The following DENND2A variants were observed in gnomAD, a reference collection of about 807,000 sequenced individuals.
DENND2A encodes DENN domain containing 2A, also known as DENN domain-containing protein 2A.
DENND2A carries 53 observed loss-of-function variants against 105.3 expected under a neutral mutation model. That is an observed-to-expected ratio of 0.50 (90% CI 0.40 to 0.63). DENND2A has a LOEUF of 0.63. DENND2A is among the 30% of genes least tolerant of loss of function. The probability of loss-of-function intolerance (pLI) is 0.00; values close to 1 mark genes in which losing one functional copy is unlikely to be tolerated. For synonymous variants in DENND2A, 522 were observed against 508.4 expected, an observed-to-expected ratio of 1.03 and a Z score of -0.36; for missense variants, 1,138 against 1,279.6, an observed-to-expected ratio of 0.89 and a Z score of 1.69.
Position 140,559,650 on chromosome 7 carries a change from C to T in DENND2A, c.1889+58G>A, listed in dbSNP as rs773081416. On this transcript the variant is annotated intron_variant, in intron 10 of 19. Transcript: ENST00000496613. The surrounding 1 kb of genome is among the most constrained non-coding windows in gnomAD (Gnocchi z 4.1). ...CTCATGTGGTCTGCCACCTGTAACC[C>T]CGTCTCTAAGTCTCGCCTTAGTCTT... The T allele has an allele frequency of 4.8e-5, 62 of 1,299,572 alleles. No individual in the cohort carries two copies. The highest frequency in any genetic ancestry group is 5.6e-6 in the Non-Finnish European group (5 of 900,596). 80.5% of individuals were successfully genotyped at this position (1,299,572 alleles called of 1,614,324 possible).
In DENND2A at chr7:140,602,222, A is replaced by T; in HGVS notation, c.176T>A (p.Val59Glu). 1 of 1,613,824 alleles carries T rather than the reference A, an allele frequency of 6.2e-7. No homozygotes were observed. The highest frequency in any genetic ancestry group is 8.5e-7 in the Non-Finnish European group (1 of 1,179,956). ...TCTCCTGCTGGGTGCAGGAGTGGGC[A>T]CCTCTTTCTTCCCTTCCCATTCTGA... Reference protein sequence around the residue: ...KISEWEGKKEVPTPAPSRRAD... With the variant: ...KISEWEGKKEEPTPAPSRRAD... The change falls in exon 3 of 20, where the codon GTG becomes GAG. Residue 59 changes from valine (V) to glutamate (E), a missense_variant. This residue lies in a region of DENND2A where 511 missense variants were observed against 499.9 expected (regional missense o/e 1.02). Coordinates refer to ENST00000496613, the MANE Select transcript of DENND2A (RefSeq NM_015689.5).
At chr7:140,535,565 G>A (rs181833475) in intron 14 of DENND2A, among the ~76,000 whole-genome samples, 5 of 150,818 alleles carry the variant, frequency 3.3e-5, no homozygotes, top group Admixed American at 3.3e-4. Flanking sequence ...TGTCCTTCCA[G>A]CTTCTTTTTT....
chr7:140,548,129 T>A (rs902178105), intron 12 of DENND2A, among the ~76,000 whole-genome samples: 7 of 152,120 alleles, frequency 4.6e-5, no homozygotes, highest in African/African-American at 1.7e-4. Flanking sequence ...TCTTGCTAGG[T>A]CGCCCAGGCT....
chr7:140,541,321 T>C (rs1033606652), intron 14 of DENND2A, among the ~76,000 whole-genome samples: 2 of 152,024 alleles, frequency 1.3e-5, no homozygotes, highest in Non-Finnish European at 2.9e-5. Flanking sequence ...ACGGCTCCTC[T>C]CCAGCTGTGC....
intron 11 of DENND2A, among the ~76,000 whole-genome samples, chr7:140,557,392 C>A (rs1797403359): frequency 6.6e-6 from 1 of 150,694 alleles, no homozygotes; most frequent in Non-Finnish European, 1.5e-5. Flanking sequence ...CAGAGTGAGA[C>A]CCTGTCTCAA....
chr7:140,545,754 T>A (rs766241493), intron 13 of DENND2A, among the ~76,000 whole-genome samples: 27 of 152,152 alleles, frequency 1.8e-4, no homozygotes, highest in Non-Finnish European at 4.0e-4. Flanking sequence ...TTTTTCTCTT[T>A]AAATAGCTGC....
chr7:140,558,744 C>T lies in DENND2A; in HGVS notation c.1890-532G>A, dbSNP rs183741876. Among the ~76,000 whole-genome samples the T allele has an allele frequency of 3.3e-4, 49 of 147,006 alleles. No individual in the cohort carries two copies. The South Asian group carries it at 7.9e-3, about 24-fold the overall frequency. On this transcript the variant is annotated intron_variant, in intron 10 of 19. Coordinates refer to ENST00000496613, the MANE Select transcript of DENND2A (RefSeq NM_015689.5). ...TCAGTGAGACTGAGACCTAAAGTGT[C>T]GCTGTGGCCTGAGACAAAATGTGGT...
intron 8 of DENND2A, among the ~76,000 whole-genome samples, chr7:140,567,763 A>G (rs1374514321): frequency 1.3e-5 from 2 of 152,068 alleles, no homozygotes; most frequent in Non-Finnish European, 1.5e-5. Context: ...TTGTGACTCA[A>G]CTGGCAGAGA....
intron 14 of DENND2A, 24 bp downstream of exon 14, chr7:140,544,594 A>C (rs1044705609): frequency 6.2e-7 from 1 of 1,614,088 alleles, no homozygotes; most frequent in Non-Finnish European, 8.5e-7. Flanking sequence ...CAAACGCTTT[A>C]GCAGAAGTAG....
intron 1 of DENND2A, among the ~76,000 whole-genome samples, chr7:140,620,355 G>A (rs917914935): frequency 1.6e-5 from 2 of 121,990 alleles, no homozygotes; most frequent in African/African-American, 3.1e-5. Flanking sequence ...GGGGTGGGGG[G>A]GGGGAGGAGG....
At chr7:140,571,848 T>C (rs761018518) in intron 6 of DENND2A, among the ~76,000 whole-genome samples, 2 of 152,226 alleles carry the variant, frequency 1.3e-5, no homozygotes, top group Non-Finnish European at 2.9e-5. Context: ...TTCTAGGTTC[T>C]AGGATGACAG....
At chr7:140,623,500 CG>C (rs1018221965) in intron 1 of DENND2A, among the ~76,000 whole-genome samples, 5 of 151,138 alleles carry the variant, frequency 3.3e-5, no homozygotes, top group Admixed American at 3.3e-4. Flanking sequence ...GAGGCCGAGG[CG>C]GGCAGATTAC....
At chr7:140,524,885 CTTTTTTTTT>C (rs773550888) in intron 16 of DENND2A, among the ~76,000 whole-genome samples, 1 of 133,034 alleles carries the variant, frequency 7.5e-6, no homozygotes, top group Non-Finnish European at 1.6e-5. Flanking sequence ...GGCAAATATT[CTTTTTTTTT>C]TTTTTTTTTG....
chr7:140,534,166 C>A (rs1219112455), intron 14 of DENND2A, among the ~76,000 whole-genome samples: 2 of 144,334 alleles, frequency 1.4e-5, no homozygotes, highest in Non-Finnish European at 3.0e-5. Context: ...CTCACTGCAA[C>A]CTCTGCCTCC....
chr7:140,571,128 T>C (rs518206), intron 6 of DENND2A, among the ~76,000 whole-genome samples: 78,866 of 152,072 alleles, frequency 0.52, 22,906 homozygotes, highest in African/African-American at 0.79. Flanking sequence ...AAATATAGGA[T>C]GGTAATCAAT....
chr7:140,535,434 A>G (rs1331617604), intron 14 of DENND2A, among the ~76,000 whole-genome samples: 1 of 152,128 alleles, frequency 6.6e-6, no homozygotes, highest in Non-Finnish European at 1.5e-5. Context: ...GCTGGGCTTC[A>G]AGACAACTAG....
intron 14 of DENND2A, among the ~76,000 whole-genome samples, chr7:140,543,402 G>A (rs1036025880): frequency 6.6e-6 from 1 of 150,866 alleles, no homozygotes; most frequent in Non-Finnish European, 1.5e-5. Flanking sequence ...CCTAAAGTGC[G>A]GTGATTACAG....
At chr7:140,606,150 C>T (rs1250559359) in intron 1 of DENND2A, among the ~76,000 whole-genome samples, 2 of 152,118 alleles carry the variant, frequency 1.3e-5, no homozygotes, top group East Asian at 1.9e-4. Flanking sequence ...AAGTGATTCT[C>T]GTGCCTCAGC....
chr7:140,518,508 G>C lies in DENND2A; in HGVS notation c.*199C>G, dbSNP rs377454904. The C allele has an allele frequency of 6.1e-6, 3 of 488,854 alleles. No homozygotes were observed. The South Asian group carries it at 1.2e-4, about 20-fold the overall frequency. The allele number at this position is 488,854 out of a possible 1,614,324, so 30.3% of individuals were successfully genotyped here. A position where few individuals can be genotyped will look rare whatever the true frequency, so the allele number is the denominator to read the frequency against. The stretch of plus-strand genomic sequence containing the variant: ...GCATGTCGGCGACACGCCTGGTCTC[G>C]GGCTCCCTTTCTGGGGCTGTCCTCC... On this transcript the variant is annotated 3_prime_UTR_variant, in exon 20 of 20. Coordinates refer to ENST00000496613, the MANE Select transcript of DENND2A (RefSeq NM_015689.5).
Sources: gnomAD v4.1 joint callset for allele counts (sites outside exome capture counted in the v4.1 genomes callset) on GRCh38, gnomAD v4.1.1 for gene constraint, gnomAD v4.1.1 regional missense constraint, Gnocchi (gnomAD v3.1) non-coding constraint, MANE v1.5 for transcripts, NCBI Gene and HGNC (gene_info 2026-07-23, HGNC 2026-07-21) for gene names.